Variants in ITPR1 observed in about 807,000 individuals in gnomAD.
ITPR1 encodes inositol 1,4,5-trisphosphate-gated calcium channel ITPR1.
ITPR1 carries 96 observed loss-of-function variants against 318.4 expected under a neutral mutation model. That is an observed-to-expected ratio of 0.30 (90% CI 0.26 to 0.36). The LOEUF is 0.36. Ranked by LOEUF, ITPR1 falls within the 10% of genes least tolerant of loss-of-function variation. ITPR1 has a pLI of 1.00. For synonymous variants in ITPR1, 1,312 were observed against 1,289.9 expected, an observed-to-expected ratio of 1.02 and a Z score of -0.37; for missense variants, 2,440 against 3,460.2, an observed-to-expected ratio of 0.71 and a Z score of 7.40.
At chr3:4,699,186 TAA>T (rs34470493) in intron 34 of ITPR1, among the ~76,000 whole-genome samples, 72 of 146,028 alleles carry the variant, frequency 4.9e-4, no homozygotes, top group Non-Finnish European at 6.2e-4. Context: ...CCATCTCTAC[TAA>T]AAAAAAAAAA....
At chr3:4,634,399 T>C (rs2093114458) in intron 5 of ITPR1, among the ~76,000 whole-genome samples, 2 of 151,492 alleles carry the variant, frequency 1.3e-5, no homozygotes, top group Non-Finnish European at 1.5e-5. Flanking sequence ...TTTTGAAGAG[T>C]TGGGGTTTTG....
At chr3:4,787,885 A>T in intron 51 of ITPR1, 62 bp from the exon 52 acceptor site, 2 of 1,210,786 alleles carry the variant, frequency 1.7e-6, no homozygotes, top group Non-Finnish European at 1.2e-6. Context: ...CACCAGTAGC[A>T]AATAGTCTTA....
chr3:4,530,141 C>T (rs1448093585), intron 4 of ITPR1, among the ~76,000 whole-genome samples: 3 of 152,168 alleles, frequency 2.0e-5, no homozygotes, highest in African/African-American at 4.8e-5. Context: ...AAAAAGTCTA[C>T]AGACAAGAGG....
At chr3:4,663,018 G>T in intron 15 of ITPR1, 47 bp from the exon 16 acceptor site, 1 of 1,582,180 alleles carries the variant, frequency 6.3e-7, no homozygotes, top group Non-Finnish European at 8.7e-7. Flanking sequence ...CTTCCAGCCT[G>T]CTGAACACTG....
At position 4,680,756 on chromosome 3, in the gene ITPR1, G is replaced by A. The variant is rs556424959; in HGVS notation, c.3106+65G>A. 316 of 1,398,320 alleles carry A rather than the reference G, an allele frequency of 2.3e-4. 4 individuals are homozygous for A. The South Asian group carries it at 3.9e-3, about 17-fold the overall frequency. The allele number at this position is 1,398,320 out of a possible 1,614,324, so 86.6% of individuals were successfully genotyped here. A position where few individuals can be genotyped will look rare whatever the true frequency, so the allele number is the denominator to read the frequency against. On this transcript the variant is annotated intron_variant, in intron 25 of 61. Coordinates refer to ENST00000649015, the MANE Select transcript of ITPR1 (RefSeq NM_001378452.1). ...CCTGGCTCTAAGGAAAATGGGGAGA[G>A]CAAACAGTATCTTCTAGAAAAAGGG...
chr3:4,554,035 G>A (rs904945000), intron 4 of ITPR1, among the ~76,000 whole-genome samples: 9 of 152,166 alleles, frequency 5.9e-5, no homozygotes, highest in East Asian at 1.9e-4. Flanking sequence ...GAGCCACCGC[G>A]CCCAGCCTTA....
chr3:4,641,615 G>T (rs1040911944), intron 6 of ITPR1, among the ~76,000 whole-genome samples: 1 of 152,184 alleles, frequency 6.6e-6, no homozygotes, highest in Non-Finnish European at 1.5e-5. Context: ...GGCTCAAGCA[G>T]TCCTTCTGCC....
chr3:4,767,605 A>G (rs2045903636), intron 45 of ITPR1, among the ~76,000 whole-genome samples: 3 of 152,228 alleles, frequency 2.0e-5, no homozygotes, highest in Non-Finnish European at 2.9e-5. Flanking sequence ...TGCAACGTCC[A>G]ACTCCTGGGC....
intron 55 of ITPR1, among the ~76,000 whole-genome samples, chr3:4,806,924 A>G (rs2106479259): frequency 6.6e-6 from 1 of 152,252 alleles, no homozygotes; most frequent in African/African-American, 2.4e-5. Flanking sequence ...GGCGTTGTAG[A>G]TAAGAAACCA....
chr3:4,693,529 G>A lies in ITPR1; in HGVS notation c.4069G>A (p.Asp1357Asn), dbSNP rs2094511957. 1.2e-6 allele frequency: 2 copies of A among 1,613,920 alleles called. No homozygotes were observed. The highest frequency in any genetic ancestry group is 1.7e-6 in the Non-Finnish European group (2 of 1,179,872). ...SGEDVLVFYNDRASFQTLIQM... is the reference protein window; with the variant it reads ...SGEDVLVFYNNRASFQTLIQM... ...AGAGGATGTCCTCGTGTTCTACAAC[G>A]ACAGAGCCTCTTTCCAGACTCTGAT... Residue 1357 changes from aspartate to asparagine, a missense_variant, in exon 33 of 62, where the codon GAC becomes AAC. Asp to Asn is a conservative substitution (Grantham distance 23). Around this residue, in one of 23 missense-constraint regions of ITPR1, gnomAD observed 222 missense variants for 318.8 expected, o/e 0.70. Coordinates refer to ENST00000649015, the MANE Select transcript of ITPR1 (RefSeq NM_001378452.1).
chr3:4,562,058 A>C (rs2086728646), intron 4 of ITPR1, among the ~76,000 whole-genome samples: 1 of 151,784 alleles, frequency 6.6e-6, no homozygotes, highest in South Asian at 2.1e-4. Flanking sequence ...TAGGCCACAC[A>C]GAAAATACAC....
intron 4 of ITPR1, among the ~76,000 whole-genome samples, chr3:4,538,694 C>T (rs1439222310): frequency 4.6e-5 from 7 of 152,196 alleles, no homozygotes; most frequent in Admixed American, 2.6e-4. Context: ...GGTATATATA[C>T]ACCATGGAAT....
At chr3:4,835,883 G>C (rs2050875057) in intron 60 of ITPR1, among the ~76,000 whole-genome samples, 1 of 152,168 alleles carries the variant, frequency 6.6e-6, no homozygotes, top group South Asian at 2.1e-4. Context: ...CAAAAGGATG[G>C]GGATGGACGG....
chr3:4,673,221 C>G lies in ITPR1; in HGVS notation c.2290C>G (p.Leu764Val). The change falls in exon 21 of 62, where the codon CTC becomes GTC. Residue 764 changes from leucine (L) to valine (V), a missense_variant. Physicochemically the swap from Leu to Val is conservative, Grantham distance 32. Around this residue, in one of 23 missense-constraint regions of ITPR1, gnomAD observed 478 missense variants for 696.3 expected, o/e 0.69. Coordinates refer to ENST00000649015, the MANE Select transcript of ITPR1 (RefSeq NM_001378452.1). ...AATCTCAGGCCAGCTGGATGTCGATCTCATTCTCCGCTGCATGTCTGACGA... is the reference window on the plus strand; with the variant it reads ...AATCTCAGGCCAGCTGGATGTCGATGTCATTCTCCGCTGCATGTCTGACGA... ...NEISGQLDVD[L>V]ILRCMSDENL... 1 of 1,613,998 alleles carries G rather than the reference C, an allele frequency of 6.2e-7. No homozygotes were observed. The highest frequency in any genetic ancestry group is 8.5e-7 in the Non-Finnish European group (1 of 1,179,864).
intron 6 of ITPR1, among the ~76,000 whole-genome samples, chr3:4,641,606 G>A (rs1477292231): frequency 1.3e-5 from 2 of 152,148 alleles, no homozygotes; most frequent in Admixed American, 1.3e-4. Context: ...AAACTCCTGG[G>A]CTCAAGCAGT....
intron 4 of ITPR1, among the ~76,000 whole-genome samples, chr3:4,625,205 T>C (rs1464565730): frequency 6.6e-6 from 1 of 151,728 alleles, no homozygotes; most frequent in African/African-American, 2.4e-5. Context: ...ATACCTATTC[T>C]ACAATTAAGT....
rs60932812 is a variant in ITPR1, at chr3:4,668,214, ATTTTTTTTTTT to A, written c.1886+675_1886+685del. 2.0e-4 allele frequency among the ~76,000 whole-genome samples: 24 copies of A among 117,660 alleles called. No individual in the cohort carries two copies. The South Asian group carries it at 4.6e-3, about 22-fold the overall frequency. 77.2% of individuals were successfully genotyped at this position (117,660 alleles called of 152,430 possible). On this transcript the variant is annotated intron_variant, in intron 18 of 61. Transcript: ENST00000649015. ...ACAGTAGGTCTTATTCGTTCTTTCTATTTTTTTTTTTTTTTTTTTTACCTGTTAACATCCCC... is the reference window on the plus strand; with the variant it reads ...ACAGTAGGTCTTATTCGTTCTTTCTATTTTTTTTTACCTGTTAACATCCCC...
At chr3:4,833,620 A>G (rs867221231) in intron 60 of ITPR1, among the ~76,000 whole-genome samples, 77 of 152,288 alleles carry the variant, frequency 5.1e-4, no homozygotes, top group Non-Finnish European at 3.2e-4. Context: ...CCTTTCACAG[A>G]GTTCCTGCTT....
intron 36 of ITPR1, 112 bp downstream of exon 36, chr3:4,703,062 G>A (rs924644198): frequency 4.4e-5 from 54 of 1,227,040 alleles, no homozygotes; most frequent in Admixed American, 2.3e-4. Context: ...ACACAGACAG[G>A]AAGTTTCAGA....
Sources: gnomAD v4.1 joint callset for allele counts (sites outside exome capture counted in the v4.1 genomes callset) on GRCh38, gnomAD v4.1.1 for gene constraint, gnomAD v4.1.1 regional missense constraint, MANE v1.5 for transcripts, NCBI Gene and HGNC (gene_info 2026-07-23, HGNC 2026-07-21) for gene names.